Variants in DMD observed in about 807,000 individuals in gnomAD.
DMD encodes dystrophin.
A neutral mutation model predicts 330.1 loss-of-function variants in DMD; 63 were observed. That is an observed-to-expected ratio of 0.19 (90% CI 0.16 to 0.24). The LOEUF (loss-of-function observed/expected upper bound fraction) is 0.24. DMD is among the 10% of genes least tolerant of loss of function. The probability of loss-of-function intolerance (pLI) is 1.00; values close to 1 mark genes in which losing one functional copy is unlikely to be tolerated. For missense variants in DMD, 3,344 were observed against 2,684.1 expected (o/e 1.25, Z -5.43); for synonymous variants, 1,223 against 959.8 (o/e 1.27, Z -5.07).
Position 31,818,071 on chromosome X carries a change from TG to T in DMD, c.7309+1903del, listed in dbSNP as rs752682345. Among the ~76,000 whole-genome samples the T allele has an allele frequency of 3.6e-5, 4 of 111,896 alleles. No homozygotes were observed. The South Asian group carries it at 1.5e-3, about 42-fold the overall frequency. On this transcript the variant is annotated intron_variant, in intron 50 of 78. Transcript: ENST00000357033. ...AATGTCAGTGTGCACAGGATTCACC[TG>T]GGGATTCTATTAAAATGCAGATTGT...
chrX:32,491,357 T>G lies in DMD; in HGVS notation c.2542A>C (p.Thr848Pro). The G allele has an allele frequency of 8.3e-7, 1 of 1,210,550 alleles. No individual in the cohort carries two copies. Among genetic ancestry groups the G allele is most frequent in the South Asian group, 1.8e-5 (1 of 56,957 alleles). The change falls in exon 20 of 79, where the codon ACT becomes CCT. Residue 848 changes from threonine (T) to proline (P), a missense_variant. Transcript: ENST00000357033. Reference sequence around the variant, plus strand: ...TGGATTTTCAACCAGTTTTCAGCAGTAGTTGTCATCTGCTCCAATTGTTGT... The same window carrying G: ...TGGATTTTCAACCAGTTTTCAGCAGGAGTTGTCATCTGCTCCAATTGTTGT... ...QLQQLEQMTT[T>P]AENWLKIQPT...
chrX:32,876,555 C>CA (rs752682311), intron 2 of DMD, among the ~76,000 whole-genome samples: 3 of 111,320 alleles, frequency 2.7e-5, no homozygotes, highest in African/African-American at 9.8e-5. Flanking sequence ...TAACCAACTC[C>CA]AAAAAAAGTC....
intron 7 of DMD, among the ~76,000 whole-genome samples, chrX:32,705,863 A>T (rs2064581911): frequency 9.0e-6 from 1 of 110,659 alleles, no homozygotes; most frequent in Non-Finnish European, 1.9e-5. Flanking sequence ...TGAGCCAGCC[A>T]TCCCATTACT....
At chrX:31,795,360 T>C (rs2091778131) in intron 50 of DMD, among the ~76,000 whole-genome samples, 1 of 112,320 alleles carries the variant, frequency 8.9e-6, no homozygotes, top group South Asian at 3.7e-4. Context: ...ATTTTGATTG[T>C]TCTTATCTGA....
At chrX:31,122,341 C>CTTGTATTAACGAACATTTT (rs1324407983) in intron 78 of DMD, among the ~76,000 whole-genome samples, 2 of 111,395 alleles carry the variant, frequency 1.8e-5, no homozygotes, top group African/African-American at 6.5e-5. Flanking sequence ...TTACTCTCTA[C>CTTGTATTAACGAACATTTT]TTGTATTAAC....
At chrX:31,789,448 A>T (rs2091467982) in intron 50 of DMD, among the ~76,000 whole-genome samples, 1 of 111,551 alleles carries the variant, frequency 9.0e-6, no homozygotes, top group South Asian at 3.7e-4. Context: ...TGTAGCTATA[A>T]GCACATTGGG....
chrX:31,183,759 A>G lies in DMD; in HGVS notation c.9808-855T>C, dbSNP rs10217875. Among the ~76,000 whole-genome samples, 937 of 109,847 alleles carry G rather than the reference A, an allele frequency of 8.5e-3. 13 individuals carry two copies. Among genetic ancestry groups the G allele is most frequent in the African/African-American group, 0.029 (885 of 30,115 alleles). On this transcript the variant is annotated intron_variant, in intron 67 of 78. Coordinates refer to ENST00000357033, the MANE Select transcript of DMD (RefSeq NM_004006.3). ...CTCTTCATTGCTTTCTTTCATCTCA[A>G]ATCTTCCATCTGGGATTAGTTCTGC...
intron 17 of DMD, among the ~76,000 whole-genome samples, chrX:32,531,957 A>C (rs967380884): frequency 9.0e-6 from 1 of 111,342 alleles, no homozygotes; most frequent in African/African-American, 3.3e-5. Flanking sequence ...GCAATATAAA[A>C]TAATTTATTT....
At chrX:32,193,244 C>G (rs1244899460) in intron 44 of DMD, among the ~76,000 whole-genome samples, 1 of 111,796 alleles carries the variant, frequency 8.9e-6, no homozygotes, top group African/African-American at 3.3e-5. Context: ...TTTTCTCATC[C>G]ATTACCCAGT....
At chrX:31,831,954 T>G (rs2149474509) in intron 49 of DMD, among the ~76,000 whole-genome samples, 1 of 112,948 alleles carries the variant, frequency 8.9e-6, no homozygotes, top group African/African-American at 3.2e-5. Context: ...ACTTATAAAT[T>G]ATTAAATGCC....
intron 45 of DMD, among the ~76,000 whole-genome samples, chrX:31,966,624 A>G (rs910931180): frequency 9.0e-6 from 1 of 111,077 alleles, no homozygotes; most frequent in African/African-American, 3.3e-5. Context: ...CCAAATCCCT[A>G]GCTGTAATTA....
chrX:33,166,082 C>T (rs758615004), intron 1 of DMD, among the ~76,000 whole-genome samples: 4 of 111,121 alleles, frequency 3.6e-5, no homozygotes, highest in African/African-American at 9.8e-5. Flanking sequence ...GAAAGGTGCT[C>T]AGTGTGGGAA....
intron 44 of DMD, among the ~76,000 whole-genome samples, chrX:32,105,170 T>C (rs1461497212): frequency 9.0e-6 from 1 of 111,670 alleles, no homozygotes; most frequent in Non-Finnish European, 1.9e-5. Context: ...CAACCAAAAA[T>C]GCCTCCCTTG....
chrX:32,383,037 A>G (rs1328963674), intron 33 of DMD, among the ~76,000 whole-genome samples: 7 of 111,048 alleles, frequency 6.3e-5, no homozygotes, highest in African/African-American at 9.8e-5. Context: ...ATTTATGTAA[A>G]TTTCCATAAA....
chrX:32,847,506 A>G (rs2080788698), intron 3 of DMD, among the ~76,000 whole-genome samples: 1 of 112,414 alleles, frequency 8.9e-6, no homozygotes, highest in Admixed American at 9.4e-5. Context: ...AGTAGAAGAT[A>G]TATCTCTACA....
intron 60 of DMD, among the ~76,000 whole-genome samples, chrX:31,388,194 G>C (rs1420481987): frequency 9.2e-6 from 1 of 108,191 alleles, no homozygotes; most frequent in African/African-American, 3.4e-5. Flanking sequence ...TAGTAGAGAC[G>C]GAGTTTCACC....
chrX:31,200,199 C>G (rs767068889), intron 67 of DMD, among the ~76,000 whole-genome samples: 70 of 111,736 alleles, frequency 6.3e-4, no homozygotes, highest in African/African-American at 2.3e-3. Context: ...ACTAATTCCT[C>G]TTCCCCCTCA....
chrX:31,240,496 A>G (rs1033459919), intron 63 of DMD, among the ~76,000 whole-genome samples: 20 of 111,451 alleles, frequency 1.8e-4, no homozygotes, highest in Admixed American at 4.8e-4. Context: ...TATTAAATCT[A>G]TCTATCTTCT....
intron 43 of DMD, among the ~76,000 whole-genome samples, chrX:32,251,934 G>C (rs1312489233): frequency 9.0e-6 from 1 of 111,431 alleles, no homozygotes; most frequent in Non-Finnish European, 1.9e-5. Context: ...GGAGTTCAAG[G>C]CTGCAGTGAG....
Sources: gnomAD v4.1 joint callset for allele counts (sites outside exome capture counted in the v4.1 genomes callset) on GRCh38, gnomAD v4.1.1 for gene constraint, MANE v1.5 for transcripts, NCBI Gene and HGNC (gene_info 2026-07-23, HGNC 2026-07-21) for gene names.